The following L3MBTL4 variants were observed in gnomAD, a reference collection of about 807,000 sequenced individuals.
L3MBTL4 encodes the protein L3MBTL histone methyl-lysine binding protein 4, also known as lethal(3)malignant brain tumor-like protein 4.
Under a neutral mutation model 84.5 loss-of-function variants are expected in L3MBTL4, and 70 were observed. That is an observed-to-expected ratio of 0.83 (90% CI 0.68 to 1.01). The LOEUF (loss-of-function observed/expected upper bound fraction) is 1.01, where lower values mean the gene tolerates loss of function less well. L3MBTL4 is among the 50% of genes least tolerant of loss of function. The probability of loss-of-function intolerance (pLI) is 0.00; values close to 1 mark genes in which losing one functional copy is unlikely to be tolerated. For synonymous variants in L3MBTL4, 274 were observed against 259.8 expected (o/e 1.05, Z -0.52); for missense variants, 715 against 754.8 (o/e 0.95, Z 0.62).
chr18:6,359,122 A>G (rs1262596000), intron 1 of L3MBTL4, among the ~76,000 whole-genome samples: 1 of 152,216 alleles, frequency 6.6e-6, no homozygotes, highest in East Asian at 1.9e-4. Context: ...TATAAAATTG[A>G]GTAACTTACT....
chr18:5,982,590 C>T lies in L3MBTL4; in HGVS notation c.1445-13028G>A, dbSNP rs183614378. On this transcript the variant is annotated intron_variant, in intron 16 of 18. Transcript: ENST00000317931. ...CAGAGGTCATGGAAAATGCCCCGTA[C>T]AGAGTCAACGGCATAGTTTCAGAAA... Among the ~76,000 whole-genome samples the T allele has an allele frequency of 3.0e-4, 46 of 152,300 alleles. No homozygotes were observed. In the East Asian group the frequency reaches 6.2e-3, roughly 20 times the overall value.
intron 5 of L3MBTL4, among the ~76,000 whole-genome samples, chr18:6,255,698 T>A (rs1232442832): frequency 1.3e-5 from 2 of 151,600 alleles, no homozygotes; most frequent in African/African-American, 4.9e-5. Flanking sequence ...TTTCAAAAAA[T>A]GCTTTTTTTC....
chr18:6,291,848 T>C (rs1222174250), intron 4 of L3MBTL4, among the ~76,000 whole-genome samples: 1 of 152,030 alleles, frequency 6.6e-6, no homozygotes, highest in East Asian at 1.9e-4. Context: ...AATAGACAAA[T>C]GGGATTATAC....
At chr18:6,379,422 T>G (rs1275046240) in intron 1 of L3MBTL4, among the ~76,000 whole-genome samples, 1 of 152,242 alleles carries the variant, frequency 6.6e-6, no homozygotes, top group Non-Finnish European at 1.5e-5. Flanking sequence ...GTTCCAGTTT[T>G]TGCCCATTCA....
At chr18:6,185,869 G>T (rs2044701478) in intron 12 of L3MBTL4, among the ~76,000 whole-genome samples, 1 of 152,148 alleles carries the variant, frequency 6.6e-6, no homozygotes, top group African/African-American at 2.4e-5. Flanking sequence ...GCCAAGTTCA[G>T]CAAGGCAGCC....
chr18:6,317,190 T>C (rs1356253617), intron 1 of L3MBTL4, among the ~76,000 whole-genome samples: 9 of 151,944 alleles, frequency 5.9e-5, no homozygotes, highest in Admixed American at 5.9e-4. Context: ...CCCATACAAA[T>C]TACTCAGTAC....
intron 16 of L3MBTL4, among the ~76,000 whole-genome samples, chr18:6,019,133 C>T (rs140223608): frequency 4.3e-4 from 66 of 152,310 alleles, no homozygotes; most frequent in African/African-American, 1.5e-3. Flanking sequence ...TCTGCTGCTT[C>T]ACGGACAGTC....
At chr18:6,014,899 G>C (rs1248274877) in intron 16 of L3MBTL4, among the ~76,000 whole-genome samples, 1 of 152,008 alleles carries the variant, frequency 6.6e-6, no homozygotes, top group Admixed American at 6.5e-5. Context: ...AAGAGCGGGA[G>C]GACTGGCCCT....
intron 16 of L3MBTL4, chr18:6,046,667 A>C: frequency 1.4e-6 from 1 of 735,518 alleles, no homozygotes; most frequent in Non-Finnish European, 2.5e-6. Flanking sequence ...GGTAAATAAC[A>C]AAACTAAGGC....
At chr18:6,025,762 C>T (rs1220795481) in intron 16 of L3MBTL4, among the ~76,000 whole-genome samples, 2 of 152,170 alleles carry the variant, frequency 1.3e-5, no homozygotes, top group Non-Finnish European at 2.9e-5. Context: ...CTAGATCCCT[C>T]GCATGTGCAG....
chr18:5,976,599 T>C (rs1220019489), intron 16 of L3MBTL4, among the ~76,000 whole-genome samples: 1 of 152,134 alleles, frequency 6.6e-6, no homozygotes, highest in Non-Finnish European at 1.5e-5. Context: ...ATGGACAGTC[T>C]AGAGGAGCGG....
intron 1 of L3MBTL4, chr18:6,395,605 A>T (rs2055239615): frequency 6.6e-6 from 1 of 152,214 alleles, no homozygotes; most frequent in South Asian, 2.1e-4. Flanking sequence ...ATTAATTTTA[A>T]TCATGGTCTC....
intron 1 of L3MBTL4, among the ~76,000 whole-genome samples, chr18:6,332,295 A>G (rs747704889): frequency 4.6e-5 from 7 of 152,234 alleles, no homozygotes; most frequent in Non-Finnish European, 8.8e-5. Flanking sequence ...AAAATAAGCC[A>G]AAGAGTTGAC....
intron 12 of L3MBTL4, among the ~76,000 whole-genome samples, chr18:6,184,159 T>A (rs2074463546): frequency 6.6e-6 from 1 of 152,218 alleles, no homozygotes; most frequent in East Asian, 1.9e-4. Context: ...ATTTTCCCTA[T>A]CCATTCTAAT....
chr18:6,337,099 A>G (rs1426757820), intron 1 of L3MBTL4, among the ~76,000 whole-genome samples: 1 of 152,190 alleles, frequency 6.6e-6, no homozygotes, highest in Non-Finnish European at 1.5e-5. Context: ...CAAACTAAAC[A>G]GAGAGGAAGA....
chr18:6,234,917 C>G (rs929445222), intron 10 of L3MBTL4, among the ~76,000 whole-genome samples: 3 of 152,048 alleles, frequency 2.0e-5, no homozygotes, highest in Non-Finnish European at 4.4e-5. Context: ...GGAACCAGCC[C>G]AAATGACCAT....
chr18:6,055,511 T>C (rs1440611949), intron 16 of L3MBTL4, among the ~76,000 whole-genome samples: 1 of 152,218 alleles, frequency 6.6e-6, no homozygotes, highest in Non-Finnish European at 1.5e-5. Context: ...GATTGACTGA[T>C]TGATTTTTTT....
At chr18:6,406,454 T>C (rs958443709) in intron 1 of L3MBTL4, among the ~76,000 whole-genome samples, 1 of 152,214 alleles carries the variant, frequency 6.6e-6, no homozygotes, top group Non-Finnish European at 1.5e-5. Context: ...TATTCTGACA[T>C]AGTGACTTCT....
At chr18:6,317,001 A>T (rs899158367) in intron 1 of L3MBTL4, among the ~76,000 whole-genome samples, 2 of 150,982 alleles carry the variant, frequency 1.3e-5, no homozygotes, top group South Asian at 4.2e-4. Context: ...ATACTGGTAC[A>T]AAATAAATAA....
Sources: allele counts gnomAD v4.1 joint callset (sites outside exome capture counted in the v4.1 genomes callset), GRCh38; gene constraint gnomAD v4.1.1; transcripts MANE v1.5; gene names NCBI Gene and HGNC (gene_info 2026-07-23, HGNC 2026-07-21).